The following AGBL1 variants were observed in gnomAD, a reference collection of about 807,000 sequenced individuals.
The protein encoded by AGBL1 is cytosolic carboxypeptidase 4.
Under a neutral mutation model 118.9 loss-of-function variants are expected in AGBL1, and 130 were observed. The ratio of observed to expected loss-of-function variants is 1.09; its 90% CI spans 0.95 to 1.26. The LOEUF is 1.26. Ranked by LOEUF, AGBL1 falls within the 50% of genes most tolerant of loss-of-function variation. AGBL1 has a pLI of 0.00. For missense variants in AGBL1, 1,584 were observed against 1,298.1 expected (o/e 1.22, Z -3.38); for synonymous variants, 555 against 478.9 (o/e 1.16, Z -2.08).
At chr15:86,637,097 A>G (rs2085109862) in intron 21 of AGBL1, among the ~76,000 whole-genome samples, 1 of 152,142 alleles carries the variant, frequency 6.6e-6, no homozygotes, top group Non-Finnish European at 1.5e-5. Context: ...TTATTCGATG[A>G]CAGAGGATGG....
chr15:86,468,484 G>A (rs984355441), intron 18 of AGBL1, among the ~76,000 whole-genome samples: 1 of 152,120 alleles, frequency 6.6e-6, no homozygotes, highest in Non-Finnish European at 1.5e-5. Flanking sequence ...AATTCCAGGG[G>A]CAGGTCACCT....
At chr15:86,246,395 G>A (rs2078722032) in intron 6 of AGBL1, among the ~76,000 whole-genome samples, 1 of 152,208 alleles carries the variant, frequency 6.6e-6, no homozygotes, top group Non-Finnish European at 1.5e-5. Flanking sequence ...TGTCTGGGGA[G>A]AGAGAGGTCT....
intron 20 of AGBL1, among the ~76,000 whole-genome samples, chr15:86,550,669 A>G (rs955733076): frequency 6.6e-6 from 1 of 152,104 alleles, no homozygotes; most frequent in Non-Finnish European, 1.5e-5. Context: ...ATAGCTGAAT[A>G]TTTTAGTAGT....
intron 23 of AGBL1, among the ~76,000 whole-genome samples, chr15:86,950,891 A>G (rs2141670281): frequency 6.6e-6 from 1 of 152,284 alleles, no homozygotes; most frequent in East Asian, 1.9e-4. Context: ...CAATCCCCTT[A>G]GATAAATAAA....
intron 23 of AGBL1, among the ~76,000 whole-genome samples, chr15:86,956,099 T>C (rs551112239): frequency 1.3e-5 from 2 of 152,202 alleles, no homozygotes; most frequent in East Asian, 1.9e-4. Flanking sequence ...TTATAGACTA[T>C]TAATGGGTCC....
chr15:86,750,143 C>A (rs1035910883), intron 22 of AGBL1, among the ~76,000 whole-genome samples: 25 of 151,948 alleles, frequency 1.6e-4, no homozygotes, highest in African/African-American at 6.0e-4. Context: ...GGATTCCCTG[C>A]AGAAAAGTTT....
intron 17 of AGBL1, among the ~76,000 whole-genome samples, chr15:86,393,863 C>T (rs1317606516): frequency 1.3e-5 from 2 of 152,028 alleles, no homozygotes; most frequent in Non-Finnish European, 2.9e-5. Context: ...GAGGGTAGTG[C>T]CCTCATAAAT....
chr15:86,718,346 C>G (rs563276915), intron 22 of AGBL1, among the ~76,000 whole-genome samples: 1 of 152,202 alleles, frequency 6.6e-6, no homozygotes, highest in African/African-American at 2.4e-5. Context: ...AAGGAGAACA[C>G]TTGGACACAG....
At chr15:86,614,405 C>T (rs898985488) in intron 21 of AGBL1, among the ~76,000 whole-genome samples, 14 of 152,188 alleles carry the variant, frequency 9.2e-5, no homozygotes, top group Admixed American at 1.3e-4. Context: ...TATTTAGCAC[C>T]TTCAAGCACT....
At chr15:86,701,729 C>T (rs2086362283) in intron 22 of AGBL1, among the ~76,000 whole-genome samples, 1 of 145,500 alleles carries the variant, frequency 6.9e-6, no homozygotes, top group African/African-American at 2.6e-5. Context: ...TCCCTTCCCT[C>T]CACTCCTCTC....
At chr15:87,008,761 TG>T (rs774133404) in intron 24 of AGBL1, among the ~76,000 whole-genome samples, 57 of 152,310 alleles carry the variant, frequency 3.7e-4, no homozygotes, top group Non-Finnish European at 7.6e-4. Context: ...AGGAACTTGT[TG>T]GGAACTGGAG....
At chr15:86,606,846 G>A (rs1031935687) in intron 21 of AGBL1, among the ~76,000 whole-genome samples, 1 of 152,090 alleles carries the variant, frequency 6.6e-6, no homozygotes, top group African/African-American at 2.4e-5. Context: ...TTTACATTAG[G>A]ATCATTCTTT....
chr15:86,526,874 G>A lies in AGBL1; in HGVS notation c.2685+3935G>A, dbSNP rs1461568534. ...AGAAGGGGGTTGGTGGGAGTGGAGT[G>A]AAATGAAAAATTACCTGTTGGGTAC... On this transcript the variant is annotated intron_variant, in intron 19 of 22. Transcript: ENST00000614907. Among the ~76,000 whole-genome samples, 3 of 151,972 alleles carry A rather than the reference G, an allele frequency of 2.0e-5. No homozygotes were observed. In the East Asian group the frequency reaches 5.8e-4, roughly 29 times the overall value.
intron 18 of AGBL1, among the ~76,000 whole-genome samples, chr15:86,421,785 A>G (rs1044422826): frequency 1.3e-5 from 2 of 152,296 alleles, no homozygotes; most frequent in East Asian, 3.9e-4. Flanking sequence ...AAGGAAAAAA[A>G]GCAGGGGTTG....
chr15:86,435,409 C>T (rs898824667), intron 18 of AGBL1, among the ~76,000 whole-genome samples: 12 of 152,010 alleles, frequency 7.9e-5, no homozygotes, highest in African/African-American at 1.7e-4. Flanking sequence ...GTGATATTGC[C>T]GGATGAGAGT....
intron 1 of AGBL1, among the ~76,000 whole-genome samples, chr15:86,094,757 A>G (rs777569017): frequency 1.3e-5 from 2 of 152,214 alleles, no homozygotes; most frequent in Non-Finnish European, 1.5e-5. Flanking sequence ...GTTTGTATCA[A>G]TATAGCACTT....
At chr15:86,261,468 A>C in intron 9 of AGBL1, among the ~76,000 whole-genome samples, 1 of 152,236 alleles carries the variant, frequency 6.6e-6, no homozygotes, top group East Asian at 1.9e-4. Flanking sequence ...TTTGGAGAAA[A>C]ATTGTGAAAC....
chr15:86,447,846 C>T (rs1166204801), intron 18 of AGBL1, among the ~76,000 whole-genome samples: 3 of 152,098 alleles, frequency 2.0e-5, no homozygotes, highest in Non-Finnish European at 2.9e-5. Flanking sequence ...TAAGGCAACA[C>T]AAAAGGATCA....
chr15:86,724,003 A>C (rs2086777806), intron 22 of AGBL1, among the ~76,000 whole-genome samples: 1 of 152,126 alleles, frequency 6.6e-6, no homozygotes, highest in South Asian at 2.1e-4. Flanking sequence ...TGGGAGGCCG[A>C]GGTGGGCGGA....
Sources: gnomAD v4.1 joint callset for allele counts (sites outside exome capture counted in the v4.1 genomes callset) on GRCh38, gnomAD v4.1.1 for gene constraint, MANE v1.5 for transcripts, NCBI Gene and HGNC (gene_info 2026-07-23, HGNC 2026-07-21) for gene names.